The following MACROD1 variants were observed in gnomAD, a reference collection of about 807,000 sequenced individuals.
The protein encoded by MACROD1 is mono-ADP ribosylhydrolase 1.
Under a neutral mutation model 41.4 loss-of-function variants are expected in MACROD1, and 31 were observed. The ratio of observed to expected loss-of-function variants is 0.75; its 90% CI spans 0.56 to 1.01. MACROD1 has a LOEUF of 1.01. Ranked by LOEUF, MACROD1 falls within the 50% of genes least tolerant of loss-of-function variation. MACROD1 has a pLI of 0.00. For missense variants in MACROD1, 473 were observed against 460.0 expected (o/e 1.03, Z -0.26); for synonymous variants, 252 against 203.4 (o/e 1.24, Z -2.03).
chr11:64,091,341 T>C (rs1944486274), intron 3 of MACROD1, among the ~76,000 whole-genome samples: 1 of 152,084 alleles, frequency 6.6e-6, no homozygotes, highest in Non-Finnish European at 1.5e-5. Flanking sequence ...TCTGTCAAGT[T>C]TCCTGCCGTT....
At chr11:64,019,864 C>A (rs955225085) in intron 3 of MACROD1, among the ~76,000 whole-genome samples, 17 of 152,138 alleles carry the variant, frequency 1.1e-4, no homozygotes, top group African/African-American at 3.9e-4. Flanking sequence ...TGAGCTGAGG[C>A]TTGAAGGATA....
Position 64,117,710 on chromosome 11 carries a change from G to A in MACROD1, c.517+33529C>T, listed in dbSNP as rs541611835. 6.2e-5 allele frequency: 100 copies of A among 1,613,638 alleles called. No individual in the cohort carries two copies. The South Asian group carries it at 6.9e-4, about 11-fold the overall frequency. On this transcript the variant is annotated intron_variant, in intron 3 of 10. Transcript: ENST00000255681. Reference sequence around the variant, plus strand: ...ACAGCCCAGCCGTGGGCTCCATCACGGAGACCTTGGTGCAGGGGGACAAGA... The same window carrying A: ...ACAGCCCAGCCGTGGGCTCCATCACAGAGACCTTGGTGCAGGGGGACAAGA...
chr11:64,152,426 G>A (rs780330328), intron 1 of MACROD1, 33 bp from the exon 2 acceptor site: 4 of 1,549,784 alleles, frequency 2.6e-6, no homozygotes, highest in Non-Finnish European at 2.7e-6. Context: ...CAGGGTGGGG[G>A]CAGAGGAACG....
At chr11:64,006,177 C>T (rs997569758) in intron 4 of MACROD1, among the ~76,000 whole-genome samples, 5 of 152,244 alleles carry the variant, frequency 3.3e-5, no homozygotes, top group Non-Finnish European at 5.9e-5. Context: ...CCACAAAGAC[C>T]GGATAAGTGA....
At chr11:64,121,840 C>A (rs1945103322) in intron 3 of MACROD1, among the ~76,000 whole-genome samples, 1 of 152,068 alleles carries the variant, frequency 6.6e-6, no homozygotes, top group Non-Finnish European at 1.5e-5. Flanking sequence ...GCATTTAAGG[C>A]AGGTTTAAAG....
chr11:64,047,885 GA>G (rs1420063762), intron 3 of MACROD1, among the ~76,000 whole-genome samples: 1 of 132,454 alleles, frequency 7.5e-6, no homozygotes, highest in Non-Finnish European at 1.6e-5. Flanking sequence ...TGACAAGAGT[GA>G]AACTCCGTCT....
intron 1 of MACROD1, among the ~76,000 whole-genome samples, chr11:64,152,705 C>T (rs112598236): frequency 2.6e-5 from 4 of 152,332 alleles, no homozygotes; most frequent in African/African-American, 9.6e-5. Context: ...CTGGGTCCCC[C>T]GTTTCTCCCT....
intron 3 of MACROD1, among the ~76,000 whole-genome samples, chr11:64,139,837 T>C (rs1345782925): frequency 6.6e-6 from 1 of 151,860 alleles, no homozygotes; most frequent in Non-Finnish European, 1.5e-5. Flanking sequence ...GCGCCTGTAA[T>C]CCCAGCTACT....
chr11:64,057,251 A>T (rs1943803865), intron 3 of MACROD1, among the ~76,000 whole-genome samples: 1 of 152,230 alleles, frequency 6.6e-6, no homozygotes, highest in Non-Finnish European at 1.5e-5. Flanking sequence ...AGGGGACGGG[A>T]CAGCCCATTG....
chr11:64,152,450 C>T, intron 1 of MACROD1, 57 bp from the exon 2 acceptor site: 3 of 1,325,158 alleles, frequency 2.3e-6, no homozygotes, highest in Admixed American at 1.7e-5. Flanking sequence ...CTGGGGCTTG[C>T]ACCCCCACAT....
At chr11:64,150,746 G>A (rs1945562593) in intron 3 of MACROD1, among the ~76,000 whole-genome samples, 1 of 152,184 alleles carries the variant, frequency 6.6e-6, no homozygotes, top group Non-Finnish European at 1.5e-5. Flanking sequence ...AGCAAGAGGC[G>A]AGCGCAGGAA....
chr11:64,002,951 C>T (rs1942851012), intron 4 of MACROD1, among the ~76,000 whole-genome samples: 1 of 152,184 alleles, frequency 6.6e-6, no homozygotes, highest in South Asian at 2.1e-4. Context: ...CTGACCAACC[C>T]TTAGTCTCCT....
chr11:64,010,084 TGTTG>T (rs1274032550), intron 4 of MACROD1, among the ~76,000 whole-genome samples: 1 of 80,344 alleles, frequency 1.2e-5, no homozygotes, highest in Non-Finnish European at 3.1e-5. Flanking sequence ...TTGCCCAGGG[TGTTG>T]GTTGGGGTGT....
At chr11:64,022,310 TAGCAA>T (rs1943168504) in intron 3 of MACROD1, among the ~76,000 whole-genome samples, 1 of 151,996 alleles carries the variant, frequency 6.6e-6, no homozygotes. Context: ...CCCCTGGGGA[TAGCAA>T]GCCTCCTTGG....
chr11:64,107,862 T>C (rs1396665685), intron 3 of MACROD1, among the ~76,000 whole-genome samples: 1 of 152,176 alleles, frequency 6.6e-6, no homozygotes, highest in African/African-American at 2.4e-5. Flanking sequence ...AAAGCCCCAC[T>C]CACACGACTC....
intron 3 of MACROD1, among the ~76,000 whole-genome samples, chr11:64,070,538 C>T (rs139299981): frequency 0.019 from 2,925 of 152,318 alleles, 88 homozygotes; most frequent in African/African-American, 0.067. Flanking sequence ...GAGAGCAGAG[C>T]TCGAGAACTC....
rs551809735 is a variant in MACROD1 at position 64,146,951 on chromosome 11, C to T, written c.517+4288G>A. Reference sequence around the variant, plus strand: ...CACAGGCCAAACTCCTGACCTCACACACACACCATCACACACATCCCAATC... The same window carrying T: ...CACAGGCCAAACTCCTGACCTCACATACACACCATCACACACATCCCAATC... On this transcript the variant is annotated intron_variant, in intron 3 of 10. Coordinates refer to ENST00000255681, the MANE Select transcript of MACROD1 (RefSeq NM_014067.4). This position sits in a 1 kb window ranked among gnomAD's most constrained non-coding sequence, Gnocchi z 4.7. 6.6e-6 allele frequency among the ~76,000 whole-genome samples: 1 copy of T among 152,252 alleles called. No individual in the cohort carries two copies. The highest frequency in any genetic ancestry group is 2.4e-5 in the African/African-American group (1 of 41,550).
chr11:64,136,263 T>C (rs1409178471), intron 3 of MACROD1, among the ~76,000 whole-genome samples: 1 of 152,234 alleles, frequency 6.6e-6, no homozygotes, highest in Non-Finnish European at 1.5e-5. Context: ...ATTCATTCAT[T>C]CACCCATTCA....
intron 3 of MACROD1, among the ~76,000 whole-genome samples, chr11:64,019,223 C>A (rs191893698): frequency 1.3e-5 from 2 of 152,186 alleles, no homozygotes; most frequent in Non-Finnish European, 2.9e-5. Flanking sequence ...TCCCCCCGCC[C>A]GAGGACATGC....
Sources: gnomAD v4.1 joint callset for allele counts (sites outside exome capture counted in the v4.1 genomes callset) on GRCh38, gnomAD v4.1.1 for gene constraint, Gnocchi (gnomAD v3.1) non-coding constraint, MANE v1.5 for transcripts, NCBI Gene and HGNC (gene_info 2026-07-23, HGNC 2026-07-21) for gene names.